Variants in CFAP47 observed in about 807,000 individuals in gnomAD.
CFAP47 encodes the protein cilia and flagella associated protein 47, also known as cilia- and flagella-associated protein 47.
A neutral mutation model predicts 148.1 loss-of-function variants in CFAP47; 29 were observed. The observed-to-expected ratio is 0.20, with a 90% CI of 0.15 to 0.27. The LOEUF is 0.27. Ranked by LOEUF, CFAP47 falls within the 10% of genes least tolerant of loss-of-function variation. The probability of loss-of-function intolerance (pLI) is 1.00; values close to 1 mark genes in which losing one functional copy is unlikely to be tolerated. For missense variants in CFAP47, 1,872 were observed against 1,697.5 expected, an observed-to-expected ratio of 1.10 and a Z score of -1.81; for synonymous variants, 664 against 577.3, an observed-to-expected ratio of 1.15 and a Z score of -2.15.
At chrX:36,078,330 G>T (rs1569251600) in intron 29 of CFAP47, among the ~76,000 whole-genome samples, 1 of 110,856 alleles carries the variant, frequency 9.0e-6, no homozygotes, top group African/African-American at 3.3e-5. Context: ...ATTATTGTGT[G>T]GGAGTCTAAG....
intron 2 of CFAP47, among the ~76,000 whole-genome samples, chrX:35,940,909 T>C (rs149029658): frequency 0.015 from 1,626 of 111,568 alleles, 34 homozygotes; most frequent in African/African-American, 0.05. Flanking sequence ...GGAAAATAAA[T>C]TGTACTTACA....
Position 35,919,849 on chromosome X carries a change from T to A in CFAP47, c.50T>A (p.Leu17His), listed in dbSNP as rs756953402. Residue 17 changes from leucine to histidine, a missense_variant, in exon 1 of 64, where the codon CTC (leucine) becomes CAC (histidine). Leu to His is a moderately conservative substitution (Grantham distance 99). Coordinates refer to ENST00000378653, the MANE Select transcript of CFAP47 (RefSeq NM_001304548.2). ...ACCATAAACGTCCACAGAGGTTCCC[T>A]CGCCATGAGCATCCAAAGGGGTTCC... ...SLTINVHRGS[L>H]AMSIQRGSLV... The A allele has an allele frequency of 6.1e-5, 74 of 1,206,947 alleles. No homozygotes were observed. Among genetic ancestry groups the A allele is most frequent in the Non-Finnish European group, 8.1e-5 (72 of 893,908 alleles).
At chrX:36,185,912 C>T (rs1403752866) in intron 40 of CFAP47, among the ~76,000 whole-genome samples, 5 of 111,294 alleles carry the variant, frequency 4.5e-5, no homozygotes, top group Admixed American at 2.9e-4. Flanking sequence ...GCTTAATTAC[C>T]CCCTTATATT....
intron 62 of CFAP47, among the ~76,000 whole-genome samples, chrX:36,371,904 A>ATATGTGTGCATATACACACATGTGTG (rs1941966002): frequency 1.3e-5 from 1 of 75,442 alleles, no homozygotes; most frequent in African/African-American, 7.9e-5. Flanking sequence ...ACACATGTGT[A>ATATGTGTGCATATACACACATGTGTG]TATATGTGTG....
At chrX:36,111,723 G>A (rs1938558127) in intron 33 of CFAP47, among the ~76,000 whole-genome samples, 1 of 111,341 alleles carries the variant, frequency 9.0e-6, no homozygotes, top group Admixed American at 9.5e-5. Context: ...ATTTGGCTGT[G>A]AATCCATTTG....
At chrX:36,144,586 AGATG>A (rs1217087539) in intron 35 of CFAP47, 1 of 1,027,358 alleles carries the variant, frequency 9.7e-7, no homozygotes, top group Non-Finnish European at 1.3e-6. Context: ...TTTCCAAAGG[AGATG>A]GATGCAGGAG....
At position 36,252,532 on chromosome X, in the gene CFAP47, C is replaced by G. The variant is rs781806266; in HGVS notation, c.7444+1088C>G. Among the ~76,000 whole-genome samples, 17 of 110,922 alleles carry G rather than the reference C, an allele frequency of 1.5e-4. No individual in the cohort carries two copies. The South Asian group carries it at 6.1e-3, about 39-fold the overall frequency. On this transcript the variant is annotated intron_variant, in intron 49 of 63. Transcript: ENST00000378653. ...TGTTAGCATCTTCTGAAATCTTCCC[C>G]TTGTTTTTGAGATGTTTAGATTTAC... is the stretch of plus-strand genomic sequence containing the variant.
intron 36 of CFAP47, among the ~76,000 whole-genome samples, chrX:36,146,373 TG>T (rs2146839130): frequency 8.9e-6 from 1 of 112,112 alleles, no homozygotes; most frequent in Non-Finnish European, 1.9e-5. Context: ...ATTTAAATTA[TG>T]ATGTTAAAAA....
intron 4 of CFAP47, among the ~76,000 whole-genome samples, chrX:35,948,768 A>G (rs1430867375): frequency 9.3e-6 from 1 of 108,108 alleles, no homozygotes; most frequent in African/African-American, 3.4e-5. Context: ...CCAGGCAAAG[A>G]GCAGTGATGT....
intron 33 of CFAP47, among the ~76,000 whole-genome samples, chrX:36,124,354 C>T (rs1322292842): frequency 1.8e-5 from 2 of 111,345 alleles, no homozygotes; most frequent in Non-Finnish European, 3.8e-5. Flanking sequence ...TGGGAGTTCC[C>T]GTCCTTGTGG....
chrX:36,323,328 G>A (rs1941492193), intron 57 of CFAP47, among the ~76,000 whole-genome samples: 1 of 109,108 alleles, frequency 9.2e-6, no homozygotes, highest in Admixed American at 9.8e-5. Context: ...TTATGGCAGG[G>A]TTTCCTAGGC....
intron 51 of CFAP47, among the ~76,000 whole-genome samples, chrX:36,288,724 AG>A (rs1941159368): frequency 9.0e-6 from 1 of 111,647 alleles, no homozygotes; most frequent in African/African-American, 3.3e-5. Flanking sequence ...CAAACATAAA[AG>A]CATCCATACA....
chrX:36,013,032 T>C (rs762575715), intron 21 of CFAP47, among the ~76,000 whole-genome samples: 131 of 110,388 alleles, frequency 1.2e-3, no homozygotes, highest in Non-Finnish European at 1.8e-3. Context: ...AACTTTTGAC[T>C]TTTTTCCAGT....
chrX:36,313,865 T>C (rs1439625262), intron 56 of CFAP47, among the ~76,000 whole-genome samples: 1 of 111,637 alleles, frequency 9.0e-6, no homozygotes, highest in African/African-American at 3.3e-5. Flanking sequence ...TTGATTTAAA[T>C]ATCTGTCACA....
At chrX:36,190,523 T>C (rs781786994) in intron 42 of CFAP47, among the ~76,000 whole-genome samples, 3 of 112,493 alleles carry the variant, frequency 2.7e-5, no homozygotes, top group Admixed American at 9.4e-5. Context: ...AGTTACTGTA[T>C]GTCACAGGTC....
At chrX:35,939,439 C>A in intron 2 of CFAP47, among the ~76,000 whole-genome samples, 1 of 64,719 alleles carries the variant, frequency 1.5e-5, no homozygotes, top group Non-Finnish European at 2.7e-5. Flanking sequence ...TGCTATCCCT[C>A]CCCCCTCCCC....
chrX:35,964,436 T>C (rs1476545257), intron 8 of CFAP47, among the ~76,000 whole-genome samples: 1 of 111,650 alleles, frequency 9.0e-6, no homozygotes, highest in African/African-American at 3.2e-5. Context: ...TGTTTAGGTG[T>C]GGATCTATTT....
intron 33 of CFAP47, among the ~76,000 whole-genome samples, chrX:36,114,253 A>C (rs2146806100): frequency 9.0e-6 from 1 of 111,686 alleles, no homozygotes; most frequent in South Asian, 3.7e-4. Context: ...CTCCTGTATT[A>C]CTTTATTATG....
At chrX:36,266,685 G>A (rs1023850991) in intron 49 of CFAP47, among the ~76,000 whole-genome samples, 1 of 110,794 alleles carries the variant, frequency 9.0e-6, no homozygotes, top group African/African-American at 3.3e-5. Context: ...GGGTAGCTGA[G>A]GCTGCACTGC....
Sources: gnomAD v4.1 joint callset for allele counts (sites outside exome capture counted in the v4.1 genomes callset) on GRCh38, gnomAD v4.1.1 for gene constraint, MANE v1.5 for transcripts, NCBI Gene and HGNC (gene_info 2026-07-23, HGNC 2026-07-21) for gene names.